Variants in GPR161 observed in about 807,000 individuals in gnomAD.
GPR161 encodes G protein-coupled receptor 161, also known as G-protein coupled receptor RE2.
Under a neutral mutation model 39.2 loss-of-function variants are expected in GPR161, and 25 were observed. The observed-to-expected ratio is 0.64, with a 90% CI of 0.47 to 0.89. GPR161 has a LOEUF of 0.89. Ranked by LOEUF, GPR161 falls within the 40% of genes least tolerant of loss-of-function variation. The pLI is 0.00. For missense variants in GPR161, 547 were observed against 677.8 expected, an observed-to-expected ratio of 0.81 and a Z score of 2.14; for synonymous variants, 286 against 276.6, an observed-to-expected ratio of 1.03 and a Z score of -0.34.
At chr1:168,127,489 A>G (rs994415128) in intron 1 of GPR161, among the ~76,000 whole-genome samples, 4 of 152,148 alleles carry the variant, frequency 2.6e-5, no homozygotes, top group Non-Finnish European at 5.9e-5. Context: ...ATCTCATTAA[A>G]AAAAAAAAAA....
At chr1:168,105,563 TCAGGTA>T (rs1558113454) in intron 1 of GPR161, among the ~76,000 whole-genome samples, 1 of 152,204 alleles carries the variant, frequency 6.6e-6, no homozygotes, top group African/African-American at 2.4e-5. Context: ...CAGGGATTAA[TCAGGTA>T]CAGTTTATAT....
chr1:168,092,247 G>A (rs1043374817), intron 3 of GPR161, among the ~76,000 whole-genome samples: 1 of 152,232 alleles, frequency 6.6e-6, no homozygotes, highest in African/African-American at 2.4e-5. Context: ...AGGAGGCCTG[G>A]CTTAGGGAGC....
Position 168,136,761 on chromosome 1 carries a change from C to T in GPR161, c.-67G>A, listed in dbSNP as rs1386864148. 2.0e-6 allele frequency: 2 copies of T among 993,138 alleles called. No homozygotes were observed. Among genetic ancestry groups the T allele is most frequent in the Non-Finnish European group, 2.4e-6 (2 of 835,482 alleles). The allele number at this position is 993,138 out of a possible 1,614,324, so 61.5% of individuals were successfully genotyped here. ...CACCGAGGAGCGGCCGCCGCGGCAGCTCAGGCCCCGGCCCAGCCGCCTCCC... is the reference window on the plus strand; with the variant it reads ...CACCGAGGAGCGGCCGCCGCGGCAGTTCAGGCCCCGGCCCAGCCGCCTCCC... On this transcript the variant is annotated 5_prime_UTR_variant, in exon 1 of 6. Coordinates refer to ENST00000682931, the MANE Select transcript of GPR161 (RefSeq NM_001375883.1).
Position 168,134,963 on chromosome 1 carries a change from C to A in GPR161, c.-45+1776G>T, listed in dbSNP as rs963010116. 4.6e-6 allele frequency: 7 copies of A among 1,535,592 alleles called. No individual in the cohort carries two copies. In the Admixed American group the frequency reaches 1.4e-4, roughly 30 times the overall value. ...TCAGCCCATTCTGTCTTCCTCGGAA[C>A]CCAAACAGAGAGCTCGCAGCCCTCT... is the stretch of plus-strand genomic sequence containing the variant. On this transcript the variant is annotated intron_variant, in intron 1 of 5. Coordinates refer to ENST00000682931, the MANE Select transcript of GPR161 (RefSeq NM_001375883.1).
At position 168,104,540 on chromosome 1, in the gene GPR161, G is replaced by A; in HGVS notation, c.311C>T (p.Ala104Val). Reference sequence around the variant, plus strand: ...AGAGCTGATCAGCAGGTAGAGGAGGGCAGAGAAGTTGCACCACACTACACC... The same window carrying A: ...AGAGCTGATCAGCAGGTAGAGGAGGACAGAGAAGTTGCACCACACTACACC... Reference protein sequence around the residue: ...IFGVVWCNFSALLYLLISSAS... With the variant: ...IFGVVWCNFSVLLYLLISSAS... The change falls in exon 2 of 6, where the codon GCC becomes GTC. Residue 104 changes from alanine (A) to valine (V), a missense_variant. Ala to Val is a moderately conservative substitution (Grantham distance 64, BLOSUM62 0). Transcript: ENST00000682931. The A allele has an allele frequency of 6.2e-7, 1 of 1,614,090 alleles. No homozygotes were observed. The highest frequency in any genetic ancestry group is 2.2e-5 in the East Asian group (1 of 44,884).
intron 2 of GPR161, among the ~76,000 whole-genome samples, 189 bp from the exon 3 acceptor site, chr1:168,097,421 A>C (rs7515429): frequency 6.6e-6 from 1 of 151,930 alleles, no homozygotes; most frequent in Non-Finnish European, 1.5e-5. Context: ...TTAACAGAGA[A>C]GAGCTCAACA....
At chr1:168,097,362 C>A in intron 2 of GPR161, 130 bp from the exon 3 acceptor site, 1 of 896,056 alleles carries the variant, frequency 1.1e-6, no homozygotes, top group East Asian at 2.6e-5. Flanking sequence ...CAAGTCTCCC[C>A]AGACAAGTTA....
intron 1 of GPR161, 38 bp downstream of exon 1, chr1:168,136,701 G>A: frequency 1.9e-6 from 2 of 1,061,072 alleles, no homozygotes; most frequent in Non-Finnish European, 1.1e-6. Context: ...CGCCCTCTCC[G>A]CCCGGGCCCG....
upstream of GPR161, chr1:168,137,180 C>A: frequency 1.4e-6 from 2 of 1,406,952 alleles, no homozygotes; most frequent in South Asian, 1.6e-5. Flanking sequence ...CGGCTCGCCC[C>A]ACTTTTCTCC....
chr1:168,089,259 G>A (rs1694831726), intron 4 of GPR161: 1 of 152,188 alleles, frequency 6.6e-6, no homozygotes, highest in African/African-American at 2.4e-5. Flanking sequence ...CTGAGAACAG[G>A]GAAGCAGACT....
At chr1:168,130,116 C>G (rs1227017143) in intron 1 of GPR161, among the ~76,000 whole-genome samples, 1 of 152,226 alleles carries the variant, frequency 6.6e-6, no homozygotes, top group Non-Finnish European at 1.5e-5. Context: ...CCTGTAAGCG[C>G]TGCAGTTTTC....
chr1:168,104,737 G>C lies in GPR161; in HGVS notation c.114C>G (p.Thr38=). ...ITQFIAIIVI[T]IFVCLGNLVI... is the part of the protein sequence containing the mutation. ...CCAGGTTTCCCAGGCAGACAAAAAT[G>C]GTGATGACAATGATGGCGATGAACT... Residue 38 remains threonine, a synonymous_variant, in exon 2 of 6, where the codon ACC becomes ACG. Coordinates refer to ENST00000682931, the MANE Select transcript of GPR161 (RefSeq NM_001375883.1). The C allele has an allele frequency of 1.2e-6, 2 of 1,614,066 alleles. No homozygotes were observed. The highest frequency in any genetic ancestry group is 4.5e-5 in the East Asian group (2 of 44,882).
At position 168,082,859 on chromosome 1, in the gene GPR161, C is replaced by G. The variant is rs1694171656; in HGVS notation, c.*2672G>C. On this transcript the variant is annotated 3_prime_UTR_variant, in exon 6 of 6. Coordinates refer to ENST00000682931, the MANE Select transcript of GPR161 (RefSeq NM_001375883.1). The stretch of plus-strand genomic sequence containing the variant: ...TCCTCAGAAATGCTCTCAGGAACTT[C>G]AAAATGTGTGAAAATTCTCTTTTCC... The G allele has an allele frequency of 1.3e-5, 2 of 152,280 alleles. No individual in the cohort carries two copies. The highest frequency in any genetic ancestry group is 4.8e-5 in the African/African-American group (2 of 41,438). The allele number at this position is 152,280 out of a possible 1,614,324, so 9.4% of individuals were successfully genotyped here. A position where few individuals can be genotyped will look rare whatever the true frequency, so the allele number is the denominator to read the frequency against.
At chr1:168,136,376 C>A in intron 1 of GPR161, 3 of 1,444,906 alleles carry the variant, frequency 2.1e-6, no homozygotes, top group South Asian at 2.8e-5. Flanking sequence ...GAGTCCCGGG[C>A]ACGCACCTAC....
At position 168,087,570 on chromosome 1, in the gene GPR161, G is replaced by C; in HGVS notation, c.1324+15C>G. 1 of 1,613,898 alleles carries C rather than the reference G, an allele frequency of 6.2e-7. No homozygotes were observed. The highest frequency in any genetic ancestry group is 8.5e-7 in the Non-Finnish European group (1 of 1,179,810). ...TCCCTATGTTTTCTTGAAGCAATCA[G>C]TCACAGAAGCCAACCTTTGATTTGT... is the stretch of plus-strand genomic sequence containing the variant. On this transcript the variant is annotated intron_variant, in intron 5 of 5. Transcript: ENST00000682931.
chr1:168,104,945 A>T (rs1016114747), intron 1 of GPR161, 51 bp from the exon 2 acceptor site: 4 of 1,416,980 alleles, frequency 2.8e-6, no homozygotes, highest in African/African-American at 1.4e-5. Flanking sequence ...ATCAAATCAC[A>T]TCGTCTCCAC....
chr1:168,099,926 C>A (rs960108380), intron 2 of GPR161, among the ~76,000 whole-genome samples: 5 of 151,200 alleles, frequency 3.3e-5, no homozygotes, highest in African/African-American at 9.7e-5. Flanking sequence ...TCCAGCCAGG[C>A]GCAGTGGCTC....
chr1:168,087,223 C>T (rs1180443370), intron 5 of GPR161, among the ~76,000 whole-genome samples: 1 of 152,222 alleles, frequency 6.6e-6, no homozygotes, highest in Non-Finnish European at 1.5e-5. Flanking sequence ...CAGATACACT[C>T]ATTGGGCCAT....
chr1:168,093,241 C>T (rs755842170), intron 3 of GPR161, among the ~76,000 whole-genome samples: 6 of 152,140 alleles, frequency 3.9e-5, no homozygotes, highest in Non-Finnish European at 8.8e-5. Context: ...TCCTAAGTGA[C>T]CTTCCCCGTG....
Sources: gnomAD v4.1 joint callset for allele counts (sites outside exome capture counted in the v4.1 genomes callset) on GRCh38, gnomAD v4.1.1 for gene constraint, MANE v1.5 for transcripts, NCBI Gene and HGNC (gene_info 2026-07-23, HGNC 2026-07-21) for gene names.